Variants in SOX5 observed in about 807,000 individuals in gnomAD.
SOX5 encodes transcription factor SOX-5.
SOX5 carries 9 observed loss-of-function variants against 92.0 expected under a neutral mutation model. That is an observed-to-expected ratio of 0.10 (90% confidence interval 0.06 to 0.17). The LOEUF is 0.17. Ranked by LOEUF, SOX5 falls within the 10% of genes least tolerant of loss-of-function variation. The probability of loss-of-function intolerance (pLI) is 1.00; values close to 1 mark genes in which losing one functional copy is unlikely to be tolerated. For synonymous variants in SOX5, 344 were observed against 336.3 expected, an observed-to-expected ratio of 1.02 and a Z score of -0.25; for missense variants, 642 against 944.5, an observed-to-expected ratio of 0.68 and a Z score of 4.20.
At chr12:24,123,724 A>G (rs1039753811) in intron 4 of SOX5, among the ~76,000 whole-genome samples, 1 of 152,244 alleles carries the variant, frequency 6.6e-6, no homozygotes, top group Admixed American at 6.5e-5. Context: ...ACTATAAATC[A>G]TTTTGGCATA....
chr12:23,731,202 A>C (rs1344781118), intron 6 of SOX5, among the ~76,000 whole-genome samples: 1 of 152,148 alleles, frequency 6.6e-6, no homozygotes, highest in African/African-American at 2.4e-5. Flanking sequence ...TTGGAGTGAA[A>C]GTTGTATCAA....
intron 6 of SOX5, among the ~76,000 whole-genome samples, chr12:23,692,165 G>T (rs1400721717): frequency 1.3e-5 from 2 of 152,140 alleles, no homozygotes; most frequent in South Asian, 2.1e-4. Context: ...GGGCACGGTG[G>T]CTCACGCCTG....
chr12:23,837,200 T>C (rs1299730179), intron 3 of SOX5, among the ~76,000 whole-genome samples: 1 of 131,264 alleles, frequency 7.6e-6, no homozygotes, highest in East Asian at 2.0e-4. Flanking sequence ...TGTGTATATA[T>C]AATATATTTA....
intron 4 of SOX5, among the ~76,000 whole-genome samples, chr12:24,091,138 G>C (rs528624760): frequency 6.6e-6 from 1 of 152,256 alleles, no homozygotes; most frequent in South Asian, 2.1e-4. Flanking sequence ...TGCCTGAGAA[G>C]AAATCACAAT....
chr12:24,000,425 A>T (rs1951487487), intron 4 of SOX5, among the ~76,000 whole-genome samples: 1 of 152,030 alleles, frequency 6.6e-6, no homozygotes, highest in African/African-American at 2.4e-5. Flanking sequence ...TGGGGGAAAG[A>T]TTGAACTATA....
chr12:24,188,538 T>C (rs746867022), intron 4 of SOX5, among the ~76,000 whole-genome samples: 4 of 152,024 alleles, frequency 2.6e-5, no homozygotes, highest in Non-Finnish European at 5.9e-5. Context: ...GTAACAGTAA[T>C]GTAGAAATAT....
intron 6 of SOX5, among the ~76,000 whole-genome samples, chr12:23,709,812 A>C (rs2091859934): frequency 6.6e-6 from 1 of 152,214 alleles, no homozygotes; most frequent in African/African-American, 2.4e-5. Flanking sequence ...GTATCAACGT[A>C]ACTTTGAAGT....
intron 4 of SOX5, among the ~76,000 whole-genome samples, chr12:24,163,099 C>A (rs137927190): frequency 1.3e-5 from 2 of 152,184 alleles, no homozygotes; most frequent in East Asian, 1.9e-4. Flanking sequence ...AACAGTCAGA[C>A]TTTTAATTTC....
At chr12:23,819,794 T>C (rs1594762432) in intron 3 of SOX5, among the ~76,000 whole-genome samples, 1 of 152,226 alleles carries the variant, frequency 6.6e-6, no homozygotes, top group Admixed American at 6.5e-5. Context: ...CATTTCATGG[T>C]GTATATGTGC....
Position 23,741,184 on chromosome 12 carries a change from A to T in SOX5, c.569-145T>A, listed in dbSNP as rs144145057. 5.3e-4 allele frequency: 291 copies of T among 549,642 alleles called. 1 individual carries two copies. Among genetic ancestry groups the T allele is most frequent in the African/African-American group, 5.2e-3 (272 of 51,908 alleles). The allele number at this position is 549,642 out of a possible 1,614,324, so 34.0% of individuals were successfully genotyped here. Reference sequence around the variant, plus strand: ...ATTACCTACCTTCTTTTACATTTTCACGCAACAGTAAAAAGTGATGGCAAT... The same window carrying T: ...ATTACCTACCTTCTTTTACATTTTCTCGCAACAGTAAAAAGTGATGGCAAT... On this transcript the variant is annotated intron_variant, in intron 4 of 14. Coordinates refer to ENST00000451604, the MANE Select transcript of SOX5 (RefSeq NM_006940.6).
At chr12:24,052,374 A>G (rs1329361218) in intron 4 of SOX5, among the ~76,000 whole-genome samples, 2 of 152,204 alleles carry the variant, frequency 1.3e-5, no homozygotes, top group African/African-American at 4.8e-5. Flanking sequence ...AGCTCTGCCT[A>G]TATTACCTTT....
intron 4 of SOX5, among the ~76,000 whole-genome samples, chr12:24,044,981 A>G (rs1228443353): frequency 2.0e-5 from 3 of 152,238 alleles, no homozygotes; most frequent in Non-Finnish European, 2.9e-5. Flanking sequence ...GTGAACATTC[A>G]GAAGTCTGGA....
At chr12:23,901,388 C>T (rs187311673) in intron 1 of SOX5, among the ~76,000 whole-genome samples, 96 of 152,178 alleles carry the variant, frequency 6.3e-4, no homozygotes, top group Non-Finnish European at 1.0e-3. Context: ...TTTTTTAAGC[C>T]ACTATATTTG....
chr12:24,244,076 G>T (rs1938099743), intron 3 of SOX5, among the ~76,000 whole-genome samples: 1 of 150,402 alleles, frequency 6.6e-6, no homozygotes. Flanking sequence ...AGAAAAGGTT[G>T]GACATTTTAC....
chr12:24,334,371 A>G (rs866181727), intron 2 of SOX5, among the ~76,000 whole-genome samples: 13 of 152,162 alleles, frequency 8.5e-5, no homozygotes, highest in African/African-American at 2.9e-4. Flanking sequence ...ATCATATTCT[A>G]TATCCCCCAA....
At position 23,712,674 on chromosome 12, in the gene SOX5, C is replaced by T. The variant is rs199807203; in HGVS notation, c.810+22010G>A. ...AAACAAAGTCCTTTGACACTAAGTT[C>T]AGAGTGCTATAGACTATATCATTCA... is the stretch of plus-strand genomic sequence containing the variant. On this transcript the variant is annotated intron_variant, in intron 6 of 14. Coordinates refer to ENST00000451604, the MANE Select transcript of SOX5 (RefSeq NM_006940.6). Among the ~76,000 whole-genome samples the T allele has an allele frequency of 1.9e-4, 29 of 152,294 alleles. No homozygotes were observed. The East Asian group carries it at 4.8e-3, about 25-fold the overall frequency.
chr12:24,428,789 A>G (rs959967489), intron 1 of SOX5, among the ~76,000 whole-genome samples: 1 of 146,412 alleles, frequency 6.8e-6, no homozygotes. Context: ...TATAGGTCTT[A>G]TAAGTTCAGA....
intron 1 of SOX5, among the ~76,000 whole-genome samples, chr12:24,499,631 CAAGG>C (rs1293227756): frequency 6.6e-6 from 1 of 152,028 alleles, no homozygotes; most frequent in African/African-American, 2.4e-5. Context: ...TGTTTATTAG[CAAGG>C]AAGTGACTCA....
chr12:24,389,660 T>C (rs1344047384), intron 1 of SOX5, among the ~76,000 whole-genome samples: 1 of 152,246 alleles, frequency 6.6e-6, no homozygotes, highest in Non-Finnish European at 1.5e-5. Context: ...GTTTTGGCTA[T>C]CATGAATAAT....
Sources: gnomAD v4.1 joint callset for allele counts (sites outside exome capture counted in the v4.1 genomes callset) on GRCh38, gnomAD v4.1.1 for gene constraint, MANE v1.5 for transcripts, NCBI Gene and HGNC (gene_info 2026-07-23, HGNC 2026-07-21) for gene names.